The following ASIC2 variants were observed in gnomAD, a reference collection of about 807,000 sequenced individuals.
ASIC2 encodes the protein acid sensing ion channel subunit 2.
In ASIC2, 25 loss-of-function variants were observed where a neutral mutation model predicts 57.3. That is an observed-to-expected ratio of 0.44 (90% CI 0.32 to 0.61). ASIC2 has a LOEUF of 0.61. ASIC2 is among the 20% of genes least tolerant of loss of function. ASIC2 has a pLI of 0.06. For synonymous variants in ASIC2, 319 were observed against 307.5 expected (o/e 1.04, Z -0.39); for missense variants, 641 against 738.1 (o/e 0.87, Z 1.52).
intron 1 of ASIC2, among the ~76,000 whole-genome samples, chr17:34,123,674 T>G (rs1911692454): frequency 6.6e-6 from 1 of 152,202 alleles, no homozygotes; most frequent in African/African-American, 2.4e-5. Flanking sequence ...AGTCTCAGCT[T>G]TTCCGTCTGT....
At chr17:34,108,667 A>G (rs1468199540) in intron 1 of ASIC2, among the ~76,000 whole-genome samples, 1 of 152,160 alleles carries the variant, frequency 6.6e-6, no homozygotes, top group Non-Finnish European at 1.5e-5. Context: ...TGTCATTCAT[A>G]TATTTCATAT....
At chr17:33,320,706 T>C (rs925660206) in intron 1 of ASIC2, among the ~76,000 whole-genome samples, 3 of 152,204 alleles carry the variant, frequency 2.0e-5, no homozygotes, top group Non-Finnish European at 2.9e-5. Context: ...CTGTTCTCTA[T>C]TGGAGCTACA....
chr17:33,522,010 C>T (rs1187854887), intron 1 of ASIC2, among the ~76,000 whole-genome samples: 2 of 152,174 alleles, frequency 1.3e-5, no homozygotes, highest in Non-Finnish European at 2.9e-5. Context: ...GCTGCCTGGC[C>T]TATGGGATAG....
At chr17:33,069,443 C>T (rs1262127506) in intron 3 of ASIC2, among the ~76,000 whole-genome samples, 1 of 152,116 alleles carries the variant, frequency 6.6e-6, no homozygotes, top group African/African-American at 2.4e-5. Flanking sequence ...TTTGAAGTCT[C>T]CAGGCATAAT....
intron 1 of ASIC2, among the ~76,000 whole-genome samples, chr17:33,383,049 A>AAACAAACAAACG (rs1311766227): frequency 1.3e-5 from 2 of 151,956 alleles, no homozygotes; most frequent in African/African-American, 2.4e-5. Flanking sequence ...ACAAACAAAC[A>AAACAAACAAACG]AACACCACAC....
intron 1 of ASIC2, chr17:33,534,687 AATG>A (rs1382717462): frequency 6.6e-6 from 1 of 152,244 alleles, no homozygotes; most frequent in African/African-American, 2.4e-5. Flanking sequence ...AACATTGCCA[AATG>A]ACCTAACGTG....
At chr17:33,379,044 G>A (rs1995525) in intron 1 of ASIC2, among the ~76,000 whole-genome samples, 143,561 of 152,302 alleles carry the variant, frequency 0.94, 67,814 homozygotes, top group East Asian at 0.99. Context: ...TTATCCACAG[G>A]TATTAGCATT....
chr17:33,503,354 C>A (rs1914156414), intron 1 of ASIC2, among the ~76,000 whole-genome samples: 1 of 152,080 alleles, frequency 6.6e-6, no homozygotes, highest in African/African-American at 2.4e-5. Context: ...ACTGTCCCAC[C>A]CCCCTTGCAA....
intron 1 of ASIC2, among the ~76,000 whole-genome samples, chr17:33,323,969 G>C (rs1402491640): frequency 1.3e-5 from 2 of 151,788 alleles, no homozygotes; most frequent in Non-Finnish European, 2.9e-5. Context: ...TGAGAATTCA[G>C]TGAGCAGTGT....
intron 1 of ASIC2, among the ~76,000 whole-genome samples, chr17:33,777,783 G>T (rs1911329168): frequency 1.3e-5 from 2 of 152,168 alleles, no homozygotes; most frequent in Non-Finnish European, 1.5e-5. Flanking sequence ...GTCCTCCCAG[G>T]TAGCAGGTGT....
At chr17:33,424,776 T>C (rs1709514354) in intron 1 of ASIC2, among the ~76,000 whole-genome samples, 1 of 152,056 alleles carries the variant, frequency 6.6e-6, no homozygotes, top group Non-Finnish European at 1.5e-5. Context: ...ACCTCTAGAG[T>C]TCCTGCACTT....
chr17:33,579,443 G>C (rs932467934), intron 1 of ASIC2, among the ~76,000 whole-genome samples: 2 of 152,058 alleles, frequency 1.3e-5, no homozygotes, highest in Non-Finnish European at 2.9e-5. Context: ...TAGGGCTGCG[G>C]GGTACCCATC....
intron 1 of ASIC2, among the ~76,000 whole-genome samples, chr17:33,333,221 T>A (rs982813368): frequency 2.6e-5 from 4 of 152,164 alleles, no homozygotes; most frequent in Non-Finnish European, 5.9e-5. Context: ...AATCAGGAGA[T>A]ATAAAAAAAT....
At chr17:33,779,167 C>T (rs1332780800) in intron 1 of ASIC2, among the ~76,000 whole-genome samples, 1 of 152,116 alleles carries the variant, frequency 6.6e-6, no homozygotes, top group East Asian at 1.9e-4. Flanking sequence ...TAACTATTGG[C>T]AGTCATTTTG....
intron 1 of ASIC2, among the ~76,000 whole-genome samples, chr17:33,139,965 C>T (rs538030610): frequency 5.1e-4 from 78 of 152,202 alleles, no homozygotes; most frequent in Non-Finnish European, 1.0e-3. Context: ...CGGGGTTGTA[C>T]ATGGATTCGT....
At chr17:33,854,232 G>A (rs1913853790) in intron 1 of ASIC2, among the ~76,000 whole-genome samples, 2 of 148,246 alleles carry the variant, frequency 1.3e-5, no homozygotes, top group African/African-American at 5.2e-5. Flanking sequence ...GTGTGCTTCT[G>A]CACTGTAGGC....
intron 1 of ASIC2, among the ~76,000 whole-genome samples, chr17:33,743,619 A>G (rs1276746526): frequency 1.3e-5 from 2 of 152,240 alleles, no homozygotes; most frequent in South Asian, 2.1e-4. Flanking sequence ...AATAGGACAC[A>G]TGATTGATCT....
At chr17:34,013,994 G>A (rs561205585) in intron 1 of ASIC2, among the ~76,000 whole-genome samples, 173 of 152,250 alleles carry the variant, frequency 1.1e-3, no homozygotes, top group Non-Finnish European at 1.3e-3. Flanking sequence ...GAGACCTTAG[G>A]ATAGCCAGCA....
chr17:33,818,184 T>C (rs1912642885), intron 1 of ASIC2, among the ~76,000 whole-genome samples: 1 of 152,126 alleles, frequency 6.6e-6, no homozygotes, highest in African/African-American at 2.4e-5. Context: ...ATGAAGAGCA[T>C]GTGGGAAGGG....
Sources: allele counts gnomAD v4.1 joint callset (sites outside exome capture counted in the v4.1 genomes callset), GRCh38; gene constraint gnomAD v4.1.1; transcripts MANE v1.5; gene names NCBI Gene and HGNC (gene_info 2026-07-23, HGNC 2026-07-21).